DMD: variants seen among roughly 807,000 people sequenced by gnomAD.
DMD encodes dystrophin.
Under a neutral mutation model 330.1 loss-of-function variants are expected in DMD, and 63 were observed. The observed-to-expected ratio is 0.19, with a 90% CI of 0.16 to 0.24. The LOEUF (loss-of-function observed/expected upper bound fraction) is 0.24. Ranked by LOEUF, DMD falls within the 10% of genes least tolerant of loss-of-function variation. The probability of loss-of-function intolerance (pLI) is 1.00; values close to 1 mark genes in which losing one functional copy is unlikely to be tolerated. For synonymous variants in DMD, 1,223 were observed against 959.8 expected (o/e 1.27, Z -5.07); for missense variants, 3,344 against 2,684.1 (o/e 1.25, Z -5.43).
At chrX:31,152,194 T>C (rs1415084593) in intron 74 of DMD, among the ~76,000 whole-genome samples, 3 of 109,579 alleles carry the variant, frequency 2.7e-5, no homozygotes. Context: ...CTTTTTTTTT[T>C]TTTTTGAGAT....
At chrX:32,105,350 G>A (rs2096559594) in intron 44 of DMD, among the ~76,000 whole-genome samples, 1 of 111,996 alleles carries the variant, frequency 8.9e-6, no homozygotes, top group South Asian at 3.6e-4. Flanking sequence ...ATACAGAATT[G>A]CTCTTACAAA....
intron 76 of DMD, among the ~76,000 whole-genome samples, chrX:31,135,016 T>C (rs1290338475): frequency 9.0e-6 from 1 of 110,905 alleles, no homozygotes; most frequent in Non-Finnish European, 1.9e-5. Flanking sequence ...AGTGAGACCC[T>C]GTCTCTATTT....
At chrX:31,321,388 G>A (rs1298946050) in intron 62 of DMD, among the ~76,000 whole-genome samples, 1 of 108,417 alleles carries the variant, frequency 9.2e-6, no homozygotes, top group East Asian at 2.9e-4. Context: ...AGTTCGAGAC[G>A]AGCCTGACCA....
intron 51 of DMD, among the ~76,000 whole-genome samples, chrX:31,743,212 G>A (rs777795385): frequency 7.7e-4 from 87 of 112,406 alleles, no homozygotes; most frequent in African/African-American, 2.4e-3. Flanking sequence ...TGCTGCTGAC[G>A]CTGTAGAGAA....
intron 62 of DMD, among the ~76,000 whole-genome samples, chrX:31,310,137 G>C (rs1276171965): frequency 9.3e-6 from 1 of 107,573 alleles, no homozygotes; most frequent in Non-Finnish European, 1.9e-5. Flanking sequence ...CAGACCTGCT[G>C]TTAATACCCT....
chrX:31,979,679 T>C (rs1235985770), intron 44 of DMD, among the ~76,000 whole-genome samples: 1 of 112,346 alleles, frequency 8.9e-6, no homozygotes, highest in Non-Finnish European at 1.9e-5. Flanking sequence ...TCAAATGTTC[T>C]GCACTTCATA....
chrX:32,009,178 T>C, intron 44 of DMD, among the ~76,000 whole-genome samples: 1 of 111,382 alleles, frequency 9.0e-6, no homozygotes, highest in Middle Eastern at 4.7e-3. Context: ...AGATTGCACA[T>C]GACTAGAAAG....
At chrX:32,033,033 A>C (rs1417463218) in intron 44 of DMD, among the ~76,000 whole-genome samples, 2 of 112,553 alleles carry the variant, frequency 1.8e-5, no homozygotes, top group Non-Finnish European at 3.8e-5. Context: ...TATATACACA[A>C]TGGAATACTA....
At chrX:33,010,171 T>C (rs1376090509) in intron 2 of DMD, among the ~76,000 whole-genome samples, 2 of 106,590 alleles carry the variant, frequency 1.9e-5, no homozygotes, top group Admixed American at 1.0e-4. Context: ...TATATGTATA[T>C]ATGCATATAT....
Position 32,646,080 on chromosome X carries a change from G to A in DMD, c.961-928C>T, listed in dbSNP as rs1053276600. 2.7e-5 allele frequency among the ~76,000 whole-genome samples: 3 copies of A among 111,701 alleles called. No homozygotes were observed. The Admixed American group carries it at 2.9e-4, about 11-fold the overall frequency. ...TGGAGAGGCTGGAGCGCTCTGCGTG[G>A]CTCTAACTTCTCCCCATCTGAAGCC... On this transcript the variant is annotated intron_variant, in intron 9 of 78. Coordinates refer to ENST00000357033, the MANE Select transcript of DMD (RefSeq NM_004006.3).
In DMD at chrX:32,081,102, T is replaced by C. The variant is rs112300867; in HGVS notation, c.6439-112588A>G. On this transcript the variant is annotated intron_variant, in intron 44 of 78. Transcript: ENST00000357033. ...AATATTCCACCCACCTCTGTATCTT[T>C]AGGGAAGTCCCTTACCTTGTGGGAG... 5.5e-3 allele frequency among the ~76,000 whole-genome samples: 615 copies of C among 112,290 alleles called. 4 individuals are homozygous for C. Among genetic ancestry groups the C allele is most frequent in the African/African-American group, 0.019 (575 of 30,928 alleles).
At chrX:33,269,296 A>T (rs896526067) in intron 1 of DMD, among the ~76,000 whole-genome samples, 3 of 111,409 alleles carry the variant, frequency 2.7e-5, no homozygotes, top group South Asian at 7.5e-4. Context: ...AGCGACATGG[A>T]TGGAGCTGGA....
intron 48 of DMD, among the ~76,000 whole-genome samples, chrX:31,853,579 G>C (rs763024272): frequency 5.4e-5 from 6 of 111,618 alleles, no homozygotes; most frequent in Non-Finnish European, 9.4e-5. Context: ...ATTACTGTGA[G>C]TAAAGGGTTA....
chrX:31,714,661 T>C (rs1033724408), intron 52 of DMD, among the ~76,000 whole-genome samples: 2 of 112,098 alleles, frequency 1.8e-5, no homozygotes, highest in Non-Finnish European at 3.8e-5. Context: ...ATAATTTCTA[T>C]GTCAAAAACA....
intron 54 of DMD, among the ~76,000 whole-genome samples, chrX:31,641,436 A>C (rs2079743060): frequency 1.0e-5 from 1 of 97,428 alleles, no homozygotes; most frequent in Non-Finnish European, 2.0e-5. Context: ...CAGGAGGGAG[A>C]GGTTGCAGTG....
intron 60 of DMD, among the ~76,000 whole-genome samples, chrX:31,430,621 A>G (rs1393164079): frequency 9.1e-6 from 1 of 110,362 alleles, no homozygotes; most frequent in Non-Finnish European, 1.9e-5. Flanking sequence ...TGCATGATCA[A>G]TGAAGGACCT....
chrX:32,591,679 G>T (rs1569265472), intron 13 of DMD, among the ~76,000 whole-genome samples: 1 of 112,201 alleles, frequency 8.9e-6, no homozygotes, highest in African/African-American at 3.2e-5. Flanking sequence ...GCACTGTGTG[G>T]AGCCACCAAG....
chrX:32,158,673 C>T (rs1021832894), intron 44 of DMD, among the ~76,000 whole-genome samples: 9 of 111,374 alleles, frequency 8.1e-5, no homozygotes, highest in Admixed American at 4.8e-4. Context: ...TGCTTGTCTA[C>T]GGCAGGTGAT....
At chrX:32,715,152 T>A (rs191802220) in intron 7 of DMD, among the ~76,000 whole-genome samples, 36 of 111,241 alleles carry the variant, frequency 3.2e-4, no homozygotes, top group African/African-American at 1.0e-3. Context: ...CTCTATATAG[T>A]TATACACAAT....
Sources: gnomAD v4.1 joint callset for allele counts (sites outside exome capture counted in the v4.1 genomes callset) on GRCh38, gnomAD v4.1.1 for gene constraint, MANE v1.5 for transcripts, NCBI Gene and HGNC (gene_info 2026-07-23, HGNC 2026-07-21) for gene names.